Variants in HIBCH observed in about 807,000 individuals in gnomAD.
The protein encoded by HIBCH is 3-hydroxyisobutyryl-CoA hydrolase, mitochondrial.
Under a neutral mutation model 58.2 loss-of-function variants are expected in HIBCH, and 50 were observed. The ratio of observed to expected loss-of-function variants is 0.86; its 90% CI spans 0.68 to 1.09. The LOEUF is 1.09. Among genes scored for constraint, HIBCH ranks in the 50% least tolerant of loss-of-function variants. HIBCH has a pLI of 0.00. For missense variants in HIBCH, 450 were observed against 449.7 expected (o/e 1.00, Z -0.01); for synonymous variants, 151 against 146.9 (o/e 1.03, Z -0.20).
In HIBCH at chr2:190,278,738, C is replaced by CCA. The variant is rs751994994; in HGVS notation, c.438+8847_438+8848insTG. Among the ~76,000 whole-genome samples, 3 of 79,658 alleles carry CCA rather than the reference C, an allele frequency of 3.8e-5. No homozygotes were observed. The East Asian group carries it at 1.1e-3, about 29-fold the overall frequency. The allele number at this position is 79,658 out of a possible 152,430, so 52.3% of individuals were successfully genotyped here. A position where few individuals can be genotyped will look rare whatever the true frequency, so the allele number is the denominator to read the frequency against. ...TGGGCAAAAGAGTGAGACTCCATCT[C>CCA]AAAAAAAAAAAAAAAAAAAAGCCTA... is the stretch of plus-strand genomic sequence containing the variant. On this transcript the variant is annotated intron_variant, in intron 6 of 13. Coordinates refer to ENST00000359678, the MANE Select transcript of HIBCH (RefSeq NM_014362.4).
Position 190,306,007 on chromosome 2 carries a change from A to G in HIBCH, c.78+4747T>C, listed in dbSNP as rs1688394848. Among the ~76,000 whole-genome samples, 1 of 152,188 alleles carries G rather than the reference A, an allele frequency of 6.6e-6. No homozygotes were observed. Among genetic ancestry groups the G allele is most frequent in the African/African-American group, 2.4e-5 (1 of 41,454 alleles). On this transcript the variant is annotated intron_variant, in intron 2 of 13. Transcript: ENST00000359678. This position sits in a 1 kb window ranked among gnomAD's most constrained non-coding sequence, Gnocchi z 4.6. ...AAACTATTAGCAAAAATGGAATGCC[A>G]TACCTTATTCTGCACCTCCCACTGT...
At position 190,212,960 on chromosome 2, in the gene HIBCH, C is replaced by CA; in HGVS notation, c.1006dup (p.Cys336LeufsTer6). On this transcript the variant is annotated frameshift_variant, in exon 12 of 14. Coordinates refer to ENST00000359678, the MANE Select transcript of HIBCH (RefSeq NM_014362.4). LOFTEE classifies it high-confidence loss of function. ...ATTTTTTTTTTAAATTCTTACCATA[C>CA]AAGCTTGACTTAGCCGATACTCCAT... 1 of 1,610,202 alleles carries CA rather than the reference C, an allele frequency of 6.2e-7. No homozygotes were observed. The highest frequency in any genetic ancestry group is 8.5e-7 in the Non-Finnish European group (1 of 1,177,946).
At chr2:190,222,438 AG>A (rs1303048779) in intron 11 of HIBCH, among the ~76,000 whole-genome samples, 1 of 152,216 alleles carries the variant, frequency 6.6e-6, no homozygotes, top group African/African-American at 2.4e-5. Context: ...AAAAAACCCA[AG>A]AAGAGAACAT....
At chr2:190,248,185 G>A (rs2105936867) in intron 9 of HIBCH, among the ~76,000 whole-genome samples, 1 of 152,212 alleles carries the variant, frequency 6.6e-6, no homozygotes, top group South Asian at 2.1e-4. Flanking sequence ...TTTGGCCTAG[G>A]AATATTTGTT....
chr2:190,292,711 C>A lies in HIBCH; in HGVS notation c.304+1835G>T, dbSNP rs115219656. ...AAACAAACAAACAAAAAATGACTAT[C>A]TTTGTTTATCATCTTTTATTCAGCT... On this transcript the variant is annotated intron_variant, in intron 4 of 13. Coordinates refer to ENST00000359678, the MANE Select transcript of HIBCH (RefSeq NM_014362.4). 6.7e-3 allele frequency among the ~76,000 whole-genome samples: 1,027 copies of A among 152,290 alleles called. 12 individuals carry two copies. The highest frequency in any genetic ancestry group is 0.022 in the African/African-American group (933 of 41,566).
chr2:190,238,517 G>A (rs1308791061), intron 11 of HIBCH, among the ~76,000 whole-genome samples: 1 of 152,098 alleles, frequency 6.6e-6, no homozygotes, highest in Non-Finnish European at 1.5e-5. Context: ...CAGGCTGGAG[G>A]GCAGTAGGGT....
rs886376304 is a variant in HIBCH, at chr2:190,245,323, T to C, written c.810-355A>G. ...GTTTCCCAAAGCCAGTTTGTCAATC[T>C]CTCAAATCATCACACAAAACCTTTT... On this transcript the variant is annotated intron_variant, in intron 10 of 13. Transcript: ENST00000359678. 7 of 232,080 alleles carry C rather than the reference T, an allele frequency of 3.0e-5. No individual in the cohort carries two copies. The East Asian group carries it at 7.8e-4, about 26-fold the overall frequency. 14.4% of individuals were successfully genotyped at this position (232,080 alleles called of 1,614,324 possible).
At chr2:190,318,009 A>C (rs987243381) in intron 1 of HIBCH, among the ~76,000 whole-genome samples, 16 of 151,794 alleles carry the variant, frequency 1.1e-4, no homozygotes, top group Non-Finnish European at 2.2e-4. Flanking sequence ...TATTTTTAGT[A>C]GAGACGGGGT....
At chr2:190,285,715 A>G (rs1687812362) in intron 6 of HIBCH, among the ~76,000 whole-genome samples, 1 of 151,886 alleles carries the variant, frequency 6.6e-6, no homozygotes, top group Non-Finnish European at 1.5e-5. Flanking sequence ...TGTCCTACCT[A>G]TTGTCACGGC....
chr2:190,223,060 G>A (rs1375574157), intron 11 of HIBCH, among the ~76,000 whole-genome samples: 1 of 152,176 alleles, frequency 6.6e-6, no homozygotes, highest in Non-Finnish European at 1.5e-5. Flanking sequence ...TCATAAGTGG[G>A]AGTTGAACAA....
chr2:190,198,799 G>A (rs2105887982), intron 1 of HIBCH, among the ~76,000 whole-genome samples: 1 of 152,168 alleles, frequency 6.6e-6, no homozygotes, highest in South Asian at 2.1e-4. Context: ...AAGCTGTCTT[G>A]TATTGTTTTA....
At chr2:190,264,726 A>C (rs570140055) in intron 6 of HIBCH, among the ~76,000 whole-genome samples, 106 of 152,288 alleles carry the variant, frequency 7.0e-4, no homozygotes, top group Middle Eastern at 3.4e-3. Context: ...TGGCTATTTC[A>C]AGTAACAATT....
chr2:190,220,085 T>G (rs376411158), intron 11 of HIBCH, among the ~76,000 whole-genome samples: 1 of 152,216 alleles, frequency 6.6e-6, no homozygotes, highest in African/African-American at 2.4e-5. Context: ...CAGATCTGAC[T>G]TGTTGGCTAT....
At chr2:190,252,386 A>C (rs1390419805) in intron 7 of HIBCH, 79 bp from the exon 8 acceptor site, 2 of 1,207,964 alleles carry the variant, frequency 1.7e-6, no homozygotes, top group African/African-American at 3.0e-5. Flanking sequence ...CGTAGATCAC[A>C]CAAACCATTT....
chr2:190,222,942 T>TA (rs1291699392), intron 11 of HIBCH, among the ~76,000 whole-genome samples: 2 of 152,092 alleles, frequency 1.3e-5, no homozygotes, highest in East Asian at 1.9e-4. Flanking sequence ...TATGCAGCCA[T>TA]AAAAAAGGAT....
intron 12 of HIBCH, 47 bp downstream of exon 12, chr2:190,212,908 AT>A (rs1690544663): frequency 1.3e-6 from 2 of 1,505,902 alleles, no homozygotes; most frequent in African/African-American, 2.8e-5. Flanking sequence ...CAATAAACGT[AT>A]GTTACTTTTA....
chr2:190,220,026 C>T (rs988969649), intron 11 of HIBCH, among the ~76,000 whole-genome samples: 14 of 152,288 alleles, frequency 9.2e-5, no homozygotes, highest in South Asian at 4.1e-4. Flanking sequence ...TTCAAGATTA[C>T]GTACAGCACT....
rs1687701121 is a variant in HIBCH at position 190,281,416 on chromosome 2, A to G, written c.438+6170T>C. 6.6e-6 allele frequency among the ~76,000 whole-genome samples: 1 copy of G among 152,152 alleles called. No individual in the cohort carries two copies. The highest frequency in any genetic ancestry group is 1.5e-5 in the Non-Finnish European group (1 of 68,036). On this transcript the variant is annotated intron_variant, in intron 6 of 13. Coordinates refer to ENST00000359678, the MANE Select transcript of HIBCH (RefSeq NM_014362.4). The surrounding 1 kb of genome is among the most constrained non-coding windows in gnomAD (Gnocchi z 5.4). ...CACTGTGCTGGAATTCTGGGAGCAG[A>G]GGCCCAAGCAGCCCCGGGCGGTAAG...
rs935571029 is a variant in HIBCH, at chr2:190,281,462, T to C, written c.438+6124A>G. 7.2e-5 allele frequency among the ~76,000 whole-genome samples: 11 copies of C among 152,066 alleles called. No individual in the cohort carries two copies. Among genetic ancestry groups the C allele is most frequent in the African/African-American group, 2.4e-4 (10 of 41,390 alleles). The stretch of plus-strand genomic sequence containing the variant: ...GTAAGCTTATAGGGGGAGGCCCAAG[T>C]CCATCACCCAAAACCATTTGTGCCA... On this transcript the variant is annotated intron_variant, in intron 6 of 13. Coordinates refer to ENST00000359678, the MANE Select transcript of HIBCH (RefSeq NM_014362.4). This position sits in a 1 kb window ranked among gnomAD's most constrained non-coding sequence, Gnocchi z 5.4.
Sources: gnomAD v4.1 joint callset for allele counts (sites outside exome capture counted in the v4.1 genomes callset) on GRCh38, gnomAD v4.1.1 for gene constraint, Gnocchi (gnomAD v3.1) non-coding constraint, MANE v1.5 for transcripts, NCBI Gene and HGNC (gene_info 2026-07-23, HGNC 2026-07-21) for gene names.